The following BMP5 variants were observed in gnomAD, a reference collection of about 807,000 sequenced individuals.
The protein encoded by BMP5 is bone morphogenetic protein 5.
A neutral mutation model predicts 46.6 loss-of-function variants in BMP5; 23 were observed. The ratio of observed to expected loss-of-function variants is 0.49; its 90% CI spans 0.35 to 0.70. The LOEUF is 0.70. BMP5 is among the 30% of genes least tolerant of loss of function. The pLI is 0.00. For synonymous variants in BMP5, 204 were observed against 191.9 expected (o/e 1.06, Z -0.52); for missense variants, 545 against 565.6 (o/e 0.96, Z 0.37).
chr6:55,827,553 A>T (rs1405489009), intron 1 of BMP5, among the ~76,000 whole-genome samples: 2 of 151,610 alleles, frequency 1.3e-5, no homozygotes, highest in African/African-American at 2.4e-5. Flanking sequence ...GTTCTTACAA[A>T]TTTTTTTTAA....
At chr6:55,797,011 A>G (rs557209037) in intron 2 of BMP5, among the ~76,000 whole-genome samples, 1 of 152,306 alleles carries the variant, frequency 6.6e-6, no homozygotes, top group South Asian at 2.1e-4. Flanking sequence ...TTTGACTGAC[A>G]AATTATTTAA....
chr6:55,777,927 C>T (rs1297327024), intron 3 of BMP5, among the ~76,000 whole-genome samples: 1 of 151,984 alleles, frequency 6.6e-6, no homozygotes, highest in Admixed American at 6.6e-5. Flanking sequence ...AAGATTCTCT[C>T]TATATGAGAA....
intron 2 of BMP5, among the ~76,000 whole-genome samples, chr6:55,811,449 C>T (rs893920933): frequency 6.6e-6 from 1 of 152,096 alleles, no homozygotes; most frequent in Non-Finnish European, 1.5e-5. Flanking sequence ...TCAAGTAAAG[C>T]ACTTAGCACA....
At chr6:55,808,071 T>G (rs1473047488) in intron 2 of BMP5, among the ~76,000 whole-genome samples, 1 of 152,172 alleles carries the variant, frequency 6.6e-6, no homozygotes, top group Non-Finnish European at 1.5e-5. Context: ...TCCTCAGAAC[T>G]AGCCAGAGGA....
chr6:55,776,265 A>T (rs1775169276), intron 3 of BMP5, among the ~76,000 whole-genome samples: 2 of 151,986 alleles, frequency 1.3e-5, no homozygotes, highest in African/African-American at 4.8e-5. Flanking sequence ...CAAATGTATT[A>T]ATTCAGCTCA....
chr6:55,861,874 A>AT (rs1360984763), intron 1 of BMP5, among the ~76,000 whole-genome samples: 1 of 152,244 alleles, frequency 6.6e-6, no homozygotes, highest in Non-Finnish European at 1.5e-5. Flanking sequence ...GCAGCACAGC[A>AT]TATCAGTGAA....
intron 1 of BMP5, among the ~76,000 whole-genome samples, chr6:55,863,243 T>C (rs1191097075): frequency 2.6e-5 from 4 of 152,224 alleles, no homozygotes; most frequent in Non-Finnish European, 5.9e-5. Flanking sequence ...ACATAACGTA[T>C]ATAAAGATGC....
intron 4 of BMP5, among the ~76,000 whole-genome samples, chr6:55,762,921 G>A (rs975466225): frequency 6.6e-5 from 10 of 152,140 alleles, no homozygotes; most frequent in African/African-American, 2.4e-4. Context: ...GTAAATGAAT[G>A]GGTGTGGCTA....
chr6:55,861,658 G>A (rs374774353), intron 1 of BMP5, among the ~76,000 whole-genome samples: 8 of 152,240 alleles, frequency 5.3e-5, no homozygotes, highest in South Asian at 2.1e-4. Context: ...TCAAAAGCCC[G>A]TAACAGTTGA....
chr6:55,860,080 GC>G (rs1777493536), intron 1 of BMP5, among the ~76,000 whole-genome samples: 1 of 152,134 alleles, frequency 6.6e-6, no homozygotes, highest in South Asian at 2.1e-4. Flanking sequence ...TTTGAGACCA[GC>G]CTGGGCAATA....
chr6:55,800,526 T>C (rs1412869291), intron 2 of BMP5, among the ~76,000 whole-genome samples: 1 of 152,204 alleles, frequency 6.6e-6, no homozygotes, highest in African/African-American at 2.4e-5. Flanking sequence ...GTTCTCCTTA[T>C]AATTCGATAT....
At chr6:55,829,693 CA>C (rs1318501819) in intron 1 of BMP5, among the ~76,000 whole-genome samples, 1 of 151,446 alleles carries the variant, frequency 6.6e-6, no homozygotes, top group African/African-American at 2.4e-5. Context: ...AAAGGTAATT[CA>C]AAAAATACAT....
chr6:55,762,196 G>A (rs6938502), intron 4 of BMP5, among the ~76,000 whole-genome samples: 54 of 151,758 alleles, frequency 3.6e-4, no homozygotes, highest in African/African-American at 1.2e-3. Context: ...AATAACATTC[G>A]AAAAACTAGT....
intron 4 of BMP5, among the ~76,000 whole-genome samples, chr6:55,765,952 C>T (rs116124138): frequency 0.01 from 1,552 of 152,188 alleles, 25 homozygotes; most frequent in African/African-American, 0.036. Flanking sequence ...AGTTCCCTGA[C>T]GCCTCCTGCT....
At chr6:55,797,717 T>C (rs1008949501) in intron 2 of BMP5, among the ~76,000 whole-genome samples, 8 of 150,592 alleles carry the variant, frequency 5.3e-5, no homozygotes, top group Non-Finnish European at 1.2e-4. Flanking sequence ...CCAGGGTTCG[T>C]GCCATTCTCC....
chr6:55,817,300 T>C (rs1233067519), intron 2 of BMP5, among the ~76,000 whole-genome samples: 2 of 152,152 alleles, frequency 1.3e-5, no homozygotes, highest in East Asian at 1.9e-4. Flanking sequence ...CACATGCACA[T>C]GTATGTTTAT....
intron 1 of BMP5, among the ~76,000 whole-genome samples, chr6:55,872,700 G>A (rs757848782): frequency 4.0e-5 from 6 of 151,634 alleles, no homozygotes; most frequent in Non-Finnish European, 5.9e-5. Flanking sequence ...CTGAGCTATC[G>A]TTTATTAAAA....
intron 2 of BMP5, among the ~76,000 whole-genome samples, chr6:55,806,842 G>A (rs1776002457): frequency 6.6e-6 from 1 of 152,244 alleles, no homozygotes; most frequent in East Asian, 1.9e-4. Context: ...TTGTGAATGG[G>A]AGTTCATTCA....
intron 1 of BMP5, among the ~76,000 whole-genome samples, chr6:55,867,877 G>T (rs1010970343): frequency 3.9e-5 from 6 of 152,120 alleles, no homozygotes; most frequent in African/African-American, 1.4e-4. Context: ...AGTAAGCGTG[G>T]AATATGGGAT....
Sources: allele counts gnomAD v4.1 joint callset (sites outside exome capture counted in the v4.1 genomes callset), GRCh38; gene constraint gnomAD v4.1.1; transcripts MANE v1.5; gene names NCBI Gene and HGNC (gene_info 2026-07-23, HGNC 2026-07-21).